Variants in MIPOL1 observed in about 807,000 individuals in gnomAD.
The protein encoded by MIPOL1 is mirror-image polydactyly 1, also known as mirror-image polydactyly gene 1 protein.
MIPOL1 carries 57 observed loss-of-function variants against 60.9 expected under a neutral mutation model. The ratio of observed to expected loss-of-function variants is 0.94; its 90% CI spans 0.76 to 1.17. MIPOL1 has a LOEUF of 1.17. MIPOL1 is among the 50% of genes most tolerant of loss of function. The pLI is 0.00. For missense variants in MIPOL1, 551 were observed against 511.6 expected (o/e 1.08, Z -0.74); for synonymous variants, 179 against 168.8 (o/e 1.06, Z -0.47).
At position 37,499,940 on chromosome 14, in the gene MIPOL1, T is replaced by A; in HGVS notation, c.1064T>A (p.Leu355Gln). ...LHKSLSQEEN[L>Q]KDQFNYTLST... is the part of the protein sequence containing the mutation. The stretch of plus-strand genomic sequence containing the variant: ...AAATCTTTATCTCAAGAAGAAAATC[T>A]GAAGGATCAGTTTAACTATACCCTT... The change falls in exon 12 of 13, where the codon CTG becomes CAG. Residue 355 changes from leucine to glutamine, a missense_variant. Leu to Gln is a moderately radical substitution (Grantham distance 113). Coordinates refer to ENST00000684589, the MANE Select transcript of MIPOL1 (RefSeq NM_001388067.1). 1 of 1,594,312 alleles carries A rather than the reference T, an allele frequency of 6.3e-7. No individual in the cohort carries two copies. The highest frequency in any genetic ancestry group is 2.2e-5 in the East Asian group (1 of 44,744).
intron 10 of MIPOL1, among the ~76,000 whole-genome samples, chr14:37,395,286 A>G (rs938617398): frequency 8.5e-5 from 13 of 152,118 alleles, no homozygotes; most frequent in Non-Finnish European, 1.9e-4. Flanking sequence ...TCTGTGAAGA[A>G]TGATGGTGGT....
chr14:37,359,860 A>C (rs907857985), intron 9 of MIPOL1, among the ~76,000 whole-genome samples: 6 of 152,176 alleles, frequency 3.9e-5, no homozygotes, highest in African/African-American at 1.4e-4. Flanking sequence ...CACTATGTTA[A>C]ATAGGAGTGG....
At chr14:37,424,007 A>G (rs1278792060) in intron 11 of MIPOL1, among the ~76,000 whole-genome samples, 1 of 152,168 alleles carries the variant, frequency 6.6e-6, no homozygotes, top group Non-Finnish European at 1.5e-5. Context: ...CAAACTCTCA[A>G]GAACCACTGA....
chr14:37,304,846 A>T (rs1595034792), intron 7 of MIPOL1, among the ~76,000 whole-genome samples: 1 of 151,850 alleles, frequency 6.6e-6, no homozygotes, highest in Non-Finnish European at 1.5e-5. Context: ...CTTACTAATT[A>T]TCATGACTAT....
chr14:37,313,186 TA>T (rs2087531937), intron 9 of MIPOL1, among the ~76,000 whole-genome samples: 1 of 152,176 alleles, frequency 6.6e-6, no homozygotes. Flanking sequence ...AGTAATGTCC[TA>T]AGTCATGAGG....
Position 37,270,523 on chromosome 14 carries a change from C to T in MIPOL1, c.491C>T (p.Ala164Val), listed in dbSNP as rs943766067. 6.4e-6 allele frequency: 10 copies of T among 1,561,590 alleles called. No individual in the cohort carries two copies. Among genetic ancestry groups the T allele is most frequent in the Non-Finnish European group, 8.8e-6 (10 of 1,142,734 alleles). ...GAAGCTAAAATTGCTGAAAAGACAGCAGGTATAGTAGAGGAGTATTAACAC... is the reference window on the plus strand; with the variant it reads ...GAAGCTAAAATTGCTGAAAAGACAGTAGGTATAGTAGAGGAGTATTAACAC... The part of the protein sequence containing the change: ...ETEAKIAEKT[A>V]ALVEEVYFAQ... Residue 164 changes from alanine to valine, a missense_variant and splice_region_variant, in exon 6 of 13, where the codon GCA becomes GTA. By Grantham distance (64) the Ala-to-Val change is moderately conservative. Coordinates refer to ENST00000684589, the MANE Select transcript of MIPOL1 (RefSeq NM_001388067.1).
intron 1 of MIPOL1, among the ~76,000 whole-genome samples, chr14:37,219,183 T>G (rs929991972): frequency 2.6e-5 from 4 of 152,156 alleles, no homozygotes; most frequent in Non-Finnish European, 5.9e-5. Flanking sequence ...GACAGGATTC[T>G]TGCTGAAGTC....
chr14:37,412,863 A>C (rs2153540741), intron 10 of MIPOL1, among the ~76,000 whole-genome samples: 1 of 152,246 alleles, frequency 6.6e-6, no homozygotes, highest in South Asian at 2.1e-4. Context: ...TAGCAGGTGA[A>C]AAATTTTCTG....
intron 3 of MIPOL1, among the ~76,000 whole-genome samples, chr14:37,257,106 T>C (rs1342202359): frequency 6.8e-6 from 1 of 147,038 alleles, no homozygotes; most frequent in Non-Finnish European, 1.5e-5. Flanking sequence ...TGTGTGTGTG[T>C]GTGTGTGTGT....
chr14:37,539,710 G>A (rs1200058145), intron 12 of MIPOL1, among the ~76,000 whole-genome samples: 2 of 152,150 alleles, frequency 1.3e-5, no homozygotes, highest in Non-Finnish European at 2.9e-5. Context: ...AAATCAAGTA[G>A]GGTAATGATT....
At chr14:37,323,038 GA>G (rs1475045245) in intron 9 of MIPOL1, among the ~76,000 whole-genome samples, 1 of 152,098 alleles carries the variant, frequency 6.6e-6, no homozygotes, top group Non-Finnish European at 1.5e-5. Flanking sequence ...TTTTAGTCAT[GA>G]AGTCTTTGCC....
At chr14:37,459,540 A>C (rs928024839) in intron 11 of MIPOL1, among the ~76,000 whole-genome samples, 1 of 152,166 alleles carries the variant, frequency 6.6e-6, no homozygotes. Context: ...TTCCAACAAC[A>C]ACAAAAAGCC....
chr14:37,327,293 CT>C lies in MIPOL1; in HGVS notation c.828+18786del, dbSNP rs910367910. ...GGTTGGAAATAATAAAATTCAAAGTCTTTTTTTTTTTTGAGACAGGTTCTCG... is the reference window on the plus strand; with the variant it reads ...GGTTGGAAATAATAAAATTCAAAGTCTTTTTTTTTTTGAGACAGGTTCTCG... On this transcript the variant is annotated intron_variant, in intron 9 of 12. Transcript: ENST00000684589. Among the ~76,000 whole-genome samples, 747 of 144,628 alleles carry C rather than the reference CT, an allele frequency of 5.2e-3. 2 individuals are homozygous for C. The highest frequency in any genetic ancestry group is 0.012 in the African/African-American group (494 of 39,768). The allele number at this position is 144,628 out of a possible 152,430, so 94.9% of individuals were successfully genotyped here. A position where few individuals can be genotyped will look rare whatever the true frequency, so the allele number is the denominator to read the frequency against.
At position 37,276,078 on chromosome 14, in the gene MIPOL1, A is replaced by C. The variant is rs577324334; in HGVS notation, c.493+5553A>C. On this transcript the variant is annotated intron_variant, in intron 6 of 12. Transcript: ENST00000684589. ...TAGCCAAAAGAACTCCTTAGTTCCT[A>C]AGTCTTGTGTTTTTAAGTCTCTCCC... Among the ~76,000 whole-genome samples, 5 of 151,208 alleles carry C rather than the reference A, an allele frequency of 3.3e-5. No homozygotes were observed. In the East Asian group the frequency reaches 9.7e-4, roughly 29 times the overall value.
At chr14:37,281,707 C>A (rs181934715) in intron 6 of MIPOL1, among the ~76,000 whole-genome samples, 1 of 152,220 alleles carries the variant, frequency 6.6e-6, no homozygotes, top group Non-Finnish European at 1.5e-5. Context: ...ACCTAGCCAT[C>A]ATGCTGTTTT....
intron 11 of MIPOL1, among the ~76,000 whole-genome samples, chr14:37,429,863 G>GT (rs1302874309): frequency 6.6e-6 from 1 of 152,040 alleles, no homozygotes; most frequent in Non-Finnish European, 1.5e-5. Flanking sequence ...GGTAGTGATA[G>GT]TTTTTTATTG....
chr14:37,222,697 G>A lies in MIPOL1; in HGVS notation c.-198-24406G>A, dbSNP rs78317330. ...ATATTTCTACCAAGATTCTAATCAT[G>A]ATCTCTTAAGTTATTTGTAAGAAGT... is the stretch of plus-strand genomic sequence containing the variant. On this transcript the variant is annotated intron_variant, in intron 1 of 12. Coordinates refer to ENST00000684589, the MANE Select transcript of MIPOL1 (RefSeq NM_001388067.1). Among the ~76,000 whole-genome samples the A allele has an allele frequency of 1.8e-4, 27 of 152,200 alleles. No homozygotes were observed. In the East Asian group the frequency reaches 5.0e-3, roughly 28 times the overall value.
chr14:37,230,585 A>C (rs529182593), intron 1 of MIPOL1, among the ~76,000 whole-genome samples: 50 of 151,304 alleles, frequency 3.3e-4, no homozygotes, highest in Non-Finnish European at 4.6e-4. Flanking sequence ...TAAGATGTTG[A>C]AGAAATCCCA....
chr14:37,436,475 G>A (rs1441653145), intron 11 of MIPOL1, among the ~76,000 whole-genome samples: 1 of 152,020 alleles, frequency 6.6e-6, no homozygotes, highest in Non-Finnish European at 1.5e-5. Context: ...AAAAATATTT[G>A]GCAAATGAAA....
Sources: allele counts gnomAD v4.1 joint callset (sites outside exome capture counted in the v4.1 genomes callset), GRCh38; gene constraint gnomAD v4.1.1; transcripts MANE v1.5; gene names NCBI Gene and HGNC (gene_info 2026-07-23, HGNC 2026-07-21).